Variants in CHODL observed in about 807,000 individuals in gnomAD.
CHODL encodes chondrolectin, also known as transmembrane protein MT75.
A neutral mutation model predicts 34.5 loss-of-function variants in CHODL; 29 were observed. The observed-to-expected ratio is 0.84, with a 90% confidence interval of 0.63 to 1.15. The LOEUF is 1.15. Ranked by LOEUF, CHODL falls within the 50% of genes most tolerant of loss-of-function variation. CHODL has a pLI of 0.00. For synonymous variants in CHODL, 125 were observed against 116.1 expected (o/e 1.08, Z -0.49); for missense variants, 332 against 332.5 (o/e 1.00, Z 0.01).
At position 18,245,032 on chromosome 21, in the gene CHODL, G is replaced by T; in HGVS notation, c.-192G>T. On this transcript the variant is annotated 5_prime_UTR_variant, in exon 1 of 6. Coordinates refer to ENST00000299295, the MANE Select transcript of CHODL (RefSeq NM_024944.3). ...GAACTCCAGCCCCGCACATCCACGC[G>T]CGGCACAGGCGCGGCAGGCGGCAGG... 2.1e-6 allele frequency: 1 copy of T among 485,292 alleles called. No individual in the cohort carries two copies. The highest frequency in any genetic ancestry group is 3.6e-6 in the Non-Finnish European group (1 of 281,482). 30.1% of individuals were successfully genotyped at this position (485,292 alleles called of 1,614,324 possible). A position where few individuals can be genotyped will look rare whatever the true frequency, so the allele number is the denominator to read the frequency against.
intron 1 of CHODL, among the ~76,000 whole-genome samples, chr21:17,939,795 C>T (rs1157438677): frequency 6.6e-6 from 1 of 152,200 alleles, no homozygotes; most frequent in Non-Finnish European, 1.5e-5. Context: ...TGAGCTTTAT[C>T]AAACAAGGTA....
At chr21:17,934,750 T>C (rs1024865170) in intron 1 of CHODL, among the ~76,000 whole-genome samples, 4 of 152,218 alleles carry the variant, frequency 2.6e-5, no homozygotes, top group Admixed American at 2.0e-4. Flanking sequence ...CCTAAATATC[T>C]TATTTTTTAT....
chr21:18,146,897 C>G (rs1601068543), intron 2 of CHODL, among the ~76,000 whole-genome samples: 1 of 152,134 alleles, frequency 6.6e-6, no homozygotes, highest in Non-Finnish European at 1.5e-5. Flanking sequence ...TTATTTTGAT[C>G]AAACCTGAAA....
chr21:18,063,917 C>G (rs2064699481), intron 2 of CHODL, among the ~76,000 whole-genome samples: 2 of 152,142 alleles, frequency 1.3e-5, no homozygotes, highest in African/African-American at 4.8e-5. Context: ...GCTTTCTACT[C>G]TGTTCCTCAG....
chr21:18,220,694 A>G (rs1476466151), intron 2 of CHODL, among the ~76,000 whole-genome samples: 1 of 145,528 alleles, frequency 6.9e-6, no homozygotes, highest in Non-Finnish European at 1.5e-5. Context: ...CTTGGCTCAC[A>G]GTTTTTTTTT....
At chr21:18,077,518 T>G (rs1029002849) in intron 2 of CHODL, among the ~76,000 whole-genome samples, 61 of 152,162 alleles carry the variant, frequency 4.0e-4, no homozygotes, top group African/African-American at 1.4e-3. Context: ...CCTCTAAAAT[T>G]TATATGTAGA....
chr21:18,070,025 T>TTCCCTCC (rs1555860424), intron 2 of CHODL, among the ~76,000 whole-genome samples: 1 of 29,090 alleles, frequency 3.4e-5, no homozygotes, highest in Non-Finnish European at 1.0e-4. Context: ...TTCCCTTCCC[T>TTCCCTCC]CCCCCCCCCC....
chr21:17,950,450 A>T (rs2063446836), intron 1 of CHODL, among the ~76,000 whole-genome samples: 1 of 151,652 alleles, frequency 6.6e-6, no homozygotes, highest in Admixed American at 6.6e-5. Context: ...ATGTAGAAAG[A>T]AGTAAAAAGC....
chr21:18,132,868 C>T lies in CHODL; in HGVS notation c.-45+104897C>T, dbSNP rs75421398. ...TCCAATTATGTTTGTAACTTCCTGACATATAAATGTTGATAGTAGTATGAA... is the reference window on the plus strand; with the variant it reads ...TCCAATTATGTTTGTAACTTCCTGATATATAAATGTTGATAGTAGTATGAA... On this transcript the variant is annotated intron_variant, in intron 2 of 6. Transcript: ENST00000400127. Among the ~76,000 whole-genome samples the T allele has an allele frequency of 7.4e-3, 1,126 of 151,506 alleles. 7 individuals are homozygous for T. The highest frequency in any genetic ancestry group is 0.027 in the Middle Eastern group (8 of 292).
intron 1 of CHODL, among the ~76,000 whole-genome samples, chr21:18,003,629 C>T (rs1165544795): frequency 6.6e-6 from 1 of 152,166 alleles, no homozygotes; most frequent in Non-Finnish European, 1.5e-5. Context: ...GAAGTGCACA[C>T]ACATTAGTGG....
At chr21:18,193,699 A>G (rs1343494794) in intron 2 of CHODL, among the ~76,000 whole-genome samples, 11 of 143,682 alleles carry the variant, frequency 7.7e-5, no homozygotes, top group African/African-American at 2.9e-4. Flanking sequence ...CTGTCTCAGA[A>G]AAAAAAAAAA....
intron 2 of CHODL, among the ~76,000 whole-genome samples, chr21:18,117,694 TAAATAAA>T (rs1373999908): frequency 5.3e-4 from 79 of 149,790 alleles, no homozygotes; most frequent in African/African-American, 1.6e-3. Context: ...TAAATAAGAA[TAAATAAA>T]TAAGATAAAA....
rs147579421 is a variant in CHODL, at chr21:18,256,601, C to G, written c.172C>G (p.Arg58Gly). ...CAGCCGAGTGAGCTTTCAGGAGGCA[C>G]GCCTGGCTTGTGAGAGTGAGGGAGG... ...LSSRVSFQEA[R>G]LACESEGGVL... is the part of the protein sequence containing the mutation. The change falls in exon 2 of 6, where the codon CGC (arginine) becomes GGC (glycine). Residue 58 changes from arginine to glycine, a missense_variant. Physicochemically the swap from Arg to Gly is moderately radical, Grantham distance 125. Transcript: ENST00000299295. The G allele has an allele frequency of 5.0e-6, 8 of 1,613,720 alleles. No homozygotes were observed. The highest frequency in any genetic ancestry group is 3.3e-5 in the South Asian group (3 of 91,068).
intron 2 of CHODL, among the ~76,000 whole-genome samples, chr21:18,198,999 T>C (rs1442219233): frequency 6.6e-6 from 1 of 152,140 alleles, no homozygotes; most frequent in Admixed American, 6.5e-5. Context: ...ATTTTAAATA[T>C]ATTGAAAGAG....
chr21:17,931,807 T>C (rs1019838836), intron 1 of CHODL, among the ~76,000 whole-genome samples: 28 of 152,058 alleles, frequency 1.8e-4, no homozygotes, highest in Non-Finnish European at 2.8e-4. Context: ...ATTAACTCAA[T>C]GTGAGTTAAA....
intron 2 of CHODL, among the ~76,000 whole-genome samples, chr21:18,100,727 T>G (rs2065202805): frequency 1.3e-5 from 2 of 152,156 alleles, no homozygotes; most frequent in Admixed American, 6.6e-5. Flanking sequence ...TGGAAACAAC[T>G]GAAAAGAGTC....
At chr21:18,145,164 C>T (rs1178175486) in intron 2 of CHODL, among the ~76,000 whole-genome samples, 8 of 150,896 alleles carry the variant, frequency 5.3e-5, no homozygotes, top group East Asian at 2.0e-4. Context: ...GGGCCGGGCG[C>T]GGTGGCTCAG....
At chr21:18,143,890 A>C (rs2072833105) in intron 2 of CHODL, among the ~76,000 whole-genome samples, 1 of 152,132 alleles carries the variant, frequency 6.6e-6, no homozygotes, top group Non-Finnish European at 1.5e-5. Flanking sequence ...ACATTTATTC[A>C]ATATAATTGA....
At chr21:18,105,072 G>T (rs1182127277) in intron 2 of CHODL, among the ~76,000 whole-genome samples, 2 of 152,208 alleles carry the variant, frequency 1.3e-5, no homozygotes, top group African/African-American at 4.8e-5. Flanking sequence ...ATAGGAAGCT[G>T]GAAAGGGTAG....
Sources: gnomAD v4.1 joint callset for allele counts (sites outside exome capture counted in the v4.1 genomes callset) on GRCh38, gnomAD v4.1.1 for gene constraint, MANE v1.5 for transcripts, NCBI Gene and HGNC (gene_info 2026-07-23, HGNC 2026-07-21) for gene names.